PPHLN1: variants seen among roughly 807,000 people sequenced by gnomAD.
PPHLN1 encodes periphilin 1, also known as periphilin-1.
Under a neutral mutation model 51.3 loss-of-function variants are expected in PPHLN1, and 29 were observed. The observed-to-expected ratio is 0.57, with a 90% CI of 0.42 to 0.77. The LOEUF (loss-of-function observed/expected upper bound fraction) is 0.77. PPHLN1 is among the 30% of genes least tolerant of loss of function. The pLI is 0.00. For missense variants in PPHLN1, 436 were observed against 438.4 expected, an observed-to-expected ratio of 0.99 and a Z score of 0.05; for synonymous variants, 147 against 147.8, an observed-to-expected ratio of 0.99 and a Z score of 0.04.
intron 9 of PPHLN1, among the ~76,000 whole-genome samples, chr12:42,403,439 G>A (rs941920796): frequency 1.3e-5 from 2 of 152,184 alleles, no homozygotes; most frequent in Non-Finnish European, 2.9e-5. Flanking sequence ...TTCTGGTCAT[G>A]CTGTTACTGC....
chr12:42,388,852 G>A (rs543957912), intron 7 of PPHLN1, among the ~76,000 whole-genome samples: 35 of 152,338 alleles, frequency 2.3e-4, no homozygotes, highest in Admixed American at 2.2e-3. Context: ...TGAGGTGAGA[G>A]GATCACTTGA....
downstream of PPHLN1, chr12:42,445,578 C>T: frequency 5.2e-6 from 1 of 194,030 alleles, no homozygotes; most frequent in South Asian, 1.2e-4. Context: ...TATGGGGCAG[C>T]CCACAAAAAT....
intron 9 of PPHLN1, among the ~76,000 whole-genome samples, chr12:42,428,897 C>T (rs1486230751): frequency 6.8e-6 from 1 of 147,036 alleles, no homozygotes; most frequent in Admixed American, 6.9e-5. Context: ...CCATCTTAAA[C>T]TGTGATCTGT....
intron 9 of PPHLN1, among the ~76,000 whole-genome samples, chr12:42,421,952 T>C (rs1336225203): frequency 6.6e-6 from 1 of 152,030 alleles, no homozygotes; most frequent in Non-Finnish European, 1.5e-5. Flanking sequence ...AGAATAAAAA[T>C]AGGCTAGAAG....
At chr12:42,431,915 G>C in intron 9 of PPHLN1, 1 of 1,578,188 alleles carries the variant, frequency 6.3e-7, no homozygotes, top group East Asian at 2.2e-5. Context: ...TCAGTCCTTC[G>C]TCTACGAGAC....
intron 9 of PPHLN1, among the ~76,000 whole-genome samples, chr12:42,409,692 G>GT (rs1376403587): frequency 8.6e-5 from 13 of 150,900 alleles, no homozygotes; most frequent in South Asian, 2.1e-4. Context: ...CTGCTTTAAG[G>GT]TTTTTTTTTC....
intron 9 of PPHLN1, among the ~76,000 whole-genome samples, chr12:42,401,837 G>GT (rs1323841376): frequency 6.6e-6 from 1 of 151,802 alleles, no homozygotes; most frequent in Non-Finnish European, 1.5e-5. Flanking sequence ...ATTTTGAGGT[G>GT]TTTTTTGTTG....
chr12:42,411,186 ACTATCT>A (rs1346390946), intron 9 of PPHLN1, among the ~76,000 whole-genome samples: 1 of 152,066 alleles, frequency 6.6e-6, no homozygotes, highest in East Asian at 1.9e-4. Flanking sequence ...CTTGTGAAAG[ACTATCT>A]CTAAGTCTTT....
chr12:42,380,913 A>T (rs1223948417), intron 5 of PPHLN1, among the ~76,000 whole-genome samples: 3 of 152,178 alleles, frequency 2.0e-5, no homozygotes, highest in African/African-American at 7.2e-5. Flanking sequence ...TTGAACATAA[A>T]TTGTTTGCCA....
At chr12:42,414,947 T>C (rs2080237594) in intron 9 of PPHLN1, among the ~76,000 whole-genome samples, 1 of 152,012 alleles carries the variant, frequency 6.6e-6, no homozygotes, top group Non-Finnish European at 1.5e-5. Flanking sequence ...CTGTAACTGA[T>C]AATTTTAATA....
Position 42,335,918 on chromosome 12 carries a change from C to A in PPHLN1, c.16C>A (p.Arg6=). The change falls in exon 2 of 10, where the codon CGA becomes AGA. Residue 6 remains arginine, a synonymous_variant. Transcript: ENST00000358314. MWSEG[R]YEYERIPRER... ...AAGAGACGAAATGTGGTCTGAGGGACGATATGAATATGAAAGAATTCCGAG... is the reference window on the plus strand; with the variant it reads ...AAGAGACGAAATGTGGTCTGAGGGAAGATATGAATATGAAAGAATTCCGAG... 2 of 1,582,334 alleles carry A rather than the reference C, an allele frequency of 1.3e-6. No homozygotes were observed. The highest frequency in any genetic ancestry group is 8.6e-7 in the Non-Finnish European group (1 of 1,162,824).
chr12:42,408,310 A>G (rs1341796207), intron 9 of PPHLN1, among the ~76,000 whole-genome samples: 1 of 151,714 alleles, frequency 6.6e-6, no homozygotes, highest in African/African-American at 2.4e-5. Context: ...GGAGTTTGAG[A>G]CCAACCTGAC....
chr12:42,415,389 C>G (rs2080279673), intron 9 of PPHLN1, among the ~76,000 whole-genome samples: 1 of 152,118 alleles, frequency 6.6e-6, no homozygotes, highest in Non-Finnish European at 1.5e-5. Context: ...CCAGGCTGGT[C>G]TTGGAACTCC....
At chr12:42,328,243 T>C (rs1423484554) in intron 1 of PPHLN1, among the ~76,000 whole-genome samples, 1 of 152,160 alleles carries the variant, frequency 6.6e-6, no homozygotes, top group African/African-American at 2.4e-5. Context: ...TGTTAGTCTG[T>C]TTGTGGCACA....
At chr12:42,365,109 G>A (rs2075129725) in intron 4 of PPHLN1, among the ~76,000 whole-genome samples, 2 of 152,154 alleles carry the variant, frequency 1.3e-5, no homozygotes. Context: ...TTTTTTGATA[G>A]GATAGAAGAA....
At chr12:42,367,148 AG>A (rs889334474) in intron 4 of PPHLN1, among the ~76,000 whole-genome samples, 5 of 152,196 alleles carry the variant, frequency 3.3e-5, no homozygotes, top group African/African-American at 1.2e-4. Flanking sequence ...CAGGGAAAAA[AG>A]GAGAGATTAT....
chr12:42,371,146 A>T (rs2075769352), intron 4 of PPHLN1, among the ~76,000 whole-genome samples: 1 of 107,084 alleles, frequency 9.3e-6, no homozygotes, highest in Non-Finnish European at 1.7e-5. Flanking sequence ...TTTGAGACAG[A>T]GTCTTGCTCT....
downstream of PPHLN1, chr12:42,446,718 G>T: frequency 6.9e-7 from 1 of 1,458,580 alleles, no homozygotes. Context: ...GAGATGGTCA[G>T]GTTGGTAGGA....
At chr12:42,436,436 A>T (rs1449787516) in intron 9 of PPHLN1, among the ~76,000 whole-genome samples, 1 of 152,230 alleles carries the variant, frequency 6.6e-6, no homozygotes, top group East Asian at 1.9e-4. Context: ...TTTCTTCAGA[A>T]GTCCAGACTC....
Sources: gnomAD v4.1 joint callset for allele counts (sites outside exome capture counted in the v4.1 genomes callset) on GRCh38, gnomAD v4.1.1 for gene constraint, MANE v1.5 for transcripts, NCBI Gene and HGNC (gene_info 2026-07-23, HGNC 2026-07-21) for gene names.